MTAP: variants seen among roughly 807,000 people sequenced by gnomAD.
MTAP encodes S-methyl-5'-thioadenosine phosphorylase.
In MTAP, 33 loss-of-function variants were observed where a neutral mutation model predicts 33.6. The observed-to-expected ratio is 0.98, with a 90% confidence interval of 0.74 to 1.31. MTAP has a LOEUF of 1.31. Ranked by LOEUF, MTAP falls within the 40% of genes most tolerant of loss-of-function variation. The pLI is 0.00. For missense variants in MTAP, 367 were observed against 360.0 expected (o/e 1.02, Z -0.16); for synonymous variants, 148 against 125.7 (o/e 1.18, Z -1.19).
chr9:21,867,952 T>C (rs567208014), downstream of MTAP, among the ~76,000 whole-genome samples: 6 of 152,304 alleles, frequency 3.9e-5, no homozygotes, highest in East Asian at 1.2e-3. Flanking sequence ...AGAATAGATA[T>C]CTGTTTATGC....
rs887031802 is a variant in MTAP at position 21,862,792 on chromosome 9, A to G, written c.*778A>G. Reference sequence around the variant, plus strand: ...TGCTATGTAAATATACAAAAAAACTAGAAAGAAATATATATAACCTTGTTA... The same window carrying G: ...TGCTATGTAAATATACAAAAAAACTGGAAAGAAATATATATAACCTTGTTA... On this transcript the variant is annotated 3_prime_UTR_variant, in exon 8 of 8. Coordinates refer to ENST00000644715, the MANE Select transcript of MTAP (RefSeq NM_002451.4). 1 of 315,472 alleles carries G rather than the reference A, an allele frequency of 3.2e-6. No homozygotes were observed. The highest frequency in any genetic ancestry group is 4.6e-6 in the Non-Finnish European group (1 of 218,204). 19.5% of individuals were successfully genotyped at this position (315,472 alleles called of 1,614,324 possible). A position where few individuals can be genotyped will look rare whatever the true frequency, so the allele number is the denominator to read the frequency against.
At chr9:21,839,254 T>C (rs1825185998) in intron 5 of MTAP, among the ~76,000 whole-genome samples, 1 of 151,790 alleles carries the variant, frequency 6.6e-6, no homozygotes, top group Non-Finnish European at 1.5e-5. Context: ...ATCCACAGAA[T>C]GTATCAGAAT....
chr9:21,883,697 A>C (rs1005184615), intron 1 of MTAP, among the ~76,000 whole-genome samples: 1 of 151,316 alleles, frequency 6.6e-6, no homozygotes, highest in Admixed American at 6.6e-5. Flanking sequence ...GCAAAAAAAA[A>C]ATCTGCTGAT....
intron 1 of MTAP, among the ~76,000 whole-genome samples, chr9:21,921,447 T>C (rs1472799213): frequency 6.6e-6 from 1 of 152,224 alleles, no homozygotes; most frequent in Non-Finnish European, 1.5e-5. Context: ...TTTTGTTTTG[T>C]TCTCTTTTCT....
At chr9:21,842,155 G>A (rs2185683) in intron 5 of MTAP, among the ~76,000 whole-genome samples, 18,251 of 152,136 alleles carry the variant, frequency 0.12, 1,758 homozygotes, top group African/African-American at 0.26. Flanking sequence ...TCAACAATAG[G>A]CTAGAACAAG....
chr9:21,898,628 A>G (rs1818337275), intron 1 of MTAP, among the ~76,000 whole-genome samples: 1 of 152,262 alleles, frequency 6.6e-6, no homozygotes, highest in Non-Finnish European at 1.5e-5. Context: ...AGACACATGA[A>G]AAAATGTTCA....
chr9:21,870,046 A>G (rs1825913555), downstream of MTAP, among the ~76,000 whole-genome samples: 1 of 152,128 alleles, frequency 6.6e-6, no homozygotes, highest in Admixed American at 6.5e-5. Flanking sequence ...ACATTAGAGT[A>G]TTTGGTTTGT....
At chr9:21,927,371 C>T (rs1488713631) in intron 1 of MTAP, among the ~76,000 whole-genome samples, 1 of 152,126 alleles carries the variant, frequency 6.6e-6, no homozygotes, top group African/African-American at 2.4e-5. Context: ...CTAATAGGCC[C>T]CTTATTGGAT....
At chr9:21,878,044 T>TGA (rs1826036095) in intron 1 of MTAP, among the ~76,000 whole-genome samples, 1 of 152,154 alleles carries the variant, frequency 6.6e-6, no homozygotes, top group South Asian at 2.1e-4. Flanking sequence ...AACTCATTAT[T>TGA]GTTCTGTTCA....
At chr9:21,840,302 A>G (rs1003730563) in intron 5 of MTAP, among the ~76,000 whole-genome samples, 8 of 152,200 alleles carry the variant, frequency 5.3e-5, no homozygotes, top group African/African-American at 2.4e-5. Flanking sequence ...TGGAGACACT[A>G]TGATCTTTTG....
chr9:21,876,363 T>C (rs1344906151), intron 1 of MTAP, among the ~76,000 whole-genome samples: 1 of 152,220 alleles, frequency 6.6e-6, no homozygotes, highest in Non-Finnish European at 1.5e-5. Flanking sequence ...GCAGAAGCTC[T>C]TAAGTTTAAT....
chr9:21,911,780 G>A (rs1389316358), intron 1 of MTAP, among the ~76,000 whole-genome samples: 6 of 151,800 alleles, frequency 4.0e-5, no homozygotes, highest in Non-Finnish European at 8.8e-5. Context: ...AACCAAGATG[G>A]GAGCAGAACT....
intron 1 of MTAP, among the ~76,000 whole-genome samples, chr9:21,918,139 A>G (rs1818723578): frequency 7.7e-6 from 1 of 129,630 alleles, no homozygotes; most frequent in Non-Finnish European, 1.5e-5. Flanking sequence ...TCACGAGGTC[A>G]GGAGATCGAG....
exon 2 of MTAP, chr9:21,931,109 T>C (rs755597494): frequency 9.2e-6 from 7 of 762,986 alleles, no homozygotes; most frequent in South Asian, 5.4e-5. Context: ...CAGTGGGACA[T>C]GGCAGAGGTG....
chr9:21,807,217 AG>A (rs1326533942), intron 1 of MTAP, among the ~76,000 whole-genome samples: 1 of 152,180 alleles, frequency 6.6e-6, no homozygotes, highest in Admixed American at 6.5e-5. Flanking sequence ...TGTGACAAGG[AG>A]GGGATATGGT....
chr9:21,925,400 A>G (rs1818853005), intron 1 of MTAP, among the ~76,000 whole-genome samples: 1 of 152,214 alleles, frequency 6.6e-6, no homozygotes, highest in African/African-American at 2.4e-5. Context: ...TATGCCTGAC[A>G]TCTTCAACAT....
At chr9:21,843,014 A>G (rs1462171241) in intron 5 of MTAP, among the ~76,000 whole-genome samples, 1 of 152,234 alleles carries the variant, frequency 6.6e-6, no homozygotes, top group Non-Finnish European at 1.5e-5. Flanking sequence ...TGCAGTCTTC[A>G]GGAGAATCAC....
At chr9:21,869,867 A>G (rs1825910757), downstream of MTAP, among the ~76,000 whole-genome samples, 1 of 151,518 alleles carries the variant, frequency 6.6e-6, no homozygotes, top group Non-Finnish European at 1.5e-5. Flanking sequence ...AATGATCTGT[A>G]CAAAATGCTA....
intron 1 of MTAP, among the ~76,000 whole-genome samples, chr9:21,876,092 T>C (rs1826004574): frequency 6.6e-6 from 1 of 152,224 alleles, no homozygotes; most frequent in South Asian, 2.1e-4. Flanking sequence ...TGTCTCATTG[T>C]GGTTTTGATT....
Sources: allele counts gnomAD v4.1 joint callset (sites outside exome capture counted in the v4.1 genomes callset), GRCh38; gene constraint gnomAD v4.1.1; transcripts MANE v1.5; gene names NCBI Gene and HGNC (gene_info 2026-07-23, HGNC 2026-07-21).